The following SNX18 variants were observed in gnomAD, a reference collection of about 807,000 sequenced individuals.
SNX18 encodes sorting nexin 18.
Under a neutral mutation model 48.7 loss-of-function variants are expected in SNX18, and 35 were observed. The ratio of observed to expected loss-of-function variants is 0.72; its 90% CI spans 0.55 to 0.95. SNX18 has a LOEUF of 0.95. Ranked by LOEUF, SNX18 falls within the 40% of genes least tolerant of loss-of-function variation. The pLI is 0.00. For missense variants in SNX18, 824 were observed against 871.0 expected (o/e 0.95, Z 0.68); for synonymous variants, 492 against 384.7 (o/e 1.28, Z -3.26).
At chr5:54,578,779 T>A in the SNX18 span, among the ~76,000 whole-genome samples, 5 of 152,158 alleles carry the variant, frequency 3.3e-5, no homozygotes, top group African/African-American at 1.2e-4. Context: ...AAATTTCCCT[T>A]CACTTCTGTG....
chr5:54,624,379 G>A, the SNX18 span, among the ~76,000 whole-genome samples: 1 of 152,076 alleles, frequency 6.6e-6, no homozygotes, highest in African/African-American at 2.4e-5. Flanking sequence ...TTAGTACTTG[G>A]CTTTCACTCT....
At chr5:54,598,897 A>C in the SNX18 span, among the ~76,000 whole-genome samples, 1 of 152,218 alleles carries the variant, frequency 6.6e-6, no homozygotes, top group African/African-American at 2.4e-5. Flanking sequence ...ATCAGGCAAA[A>C]GAAAGAAATA....
the SNX18 span, among the ~76,000 whole-genome samples, chr5:54,591,392 T>C: frequency 7.0e-4 from 106 of 152,326 alleles, no homozygotes; most frequent in African/African-American, 2.5e-3. Flanking sequence ...GGTCTTGCTA[T>C]ATTGCCCAGG....
At chr5:54,531,997 AG>A (rs1230985735) in intron 1 of SNX18, among the ~76,000 whole-genome samples, 4 of 152,186 alleles carry the variant, frequency 2.6e-5, no homozygotes, top group African/African-American at 7.2e-5. Flanking sequence ...GCACTCAGAT[AG>A]GGTCCCATAA....
At chr5:54,523,122 G>A (rs1762063381) in intron 1 of SNX18, among the ~76,000 whole-genome samples, 1 of 152,086 alleles carries the variant, frequency 6.6e-6, no homozygotes, top group African/African-American at 2.4e-5. Context: ...ACTAGGCAGT[G>A]TGCAGATGTT....
At chr5:54,562,585 A>T in the SNX18 span, among the ~76,000 whole-genome samples, 7 of 152,206 alleles carry the variant, frequency 4.6e-5, no homozygotes, top group Non-Finnish European at 1.5e-5. Context: ...TCCTGTGTTT[A>T]CGGTGATGCT....
chr5:54,572,456 C>G, the SNX18 span, among the ~76,000 whole-genome samples: 1 of 152,008 alleles, frequency 6.6e-6, no homozygotes, highest in South Asian at 2.1e-4. Flanking sequence ...TTAAGTTACT[C>G]TTGACTCATA....
At chr5:54,573,491 A>G in the SNX18 span, among the ~76,000 whole-genome samples, 1 of 152,150 alleles carries the variant, frequency 6.6e-6, no homozygotes, top group Non-Finnish European at 1.5e-5. Context: ...TTCTGGGAAG[A>G]GGCAGTTTGC....
chr5:54,518,243 C>T lies in SNX18; in HGVS notation c.291C>T (p.Phe97=), dbSNP rs1226316367. ...EPLPVAPPAS[F]KPPPDAFQAL... is the part of the protein sequence containing the mutation. ...TGCCTGTCGCGCCCCCCGCCTCCTT[C>T]AAGCCGCCGCCTGACGCCTTCCAGG... The change falls in exon 1 of 2, where the codon TTC becomes TTT. Residue 97 remains phenylalanine (F), a synonymous_variant. Coordinates refer to ENST00000381410, the MANE Select transcript of SNX18 (RefSeq NM_001102575.2). The T allele has an allele frequency of 6.2e-6, 9 of 1,451,722 alleles. No individual in the cohort carries two copies. Among genetic ancestry groups the T allele is most frequent in the Non-Finnish European group, 8.1e-6 (9 of 1,109,298 alleles). 89.9% of individuals were successfully genotyped at this position (1,451,722 alleles called of 1,614,324 possible).
chr5:54,558,145 G>A, the SNX18 span, among the ~76,000 whole-genome samples: 18,944 of 152,144 alleles, frequency 0.12, 1,312 homozygotes, highest in African/African-American at 0.17. Context: ...TGGGATTTGA[G>A]CCCAACTTGT....
the SNX18 span, among the ~76,000 whole-genome samples, chr5:54,565,621 G>C: frequency 6.6e-6 from 1 of 152,036 alleles, no homozygotes; most frequent in Non-Finnish European, 1.5e-5. Context: ...AGGTATTCAT[G>C]ATATTGTTCT....
At chr5:54,548,052 G>A (rs565759459), downstream of SNX18, among the ~76,000 whole-genome samples, 1 of 152,320 alleles carries the variant, frequency 6.6e-6, no homozygotes, top group Non-Finnish European at 1.5e-5. Context: ...TCTGAGGTGG[G>A]GGAAGTTAAT....
the SNX18 span, among the ~76,000 whole-genome samples, chr5:54,583,973 C>G: frequency 6.6e-6 from 1 of 151,976 alleles, no homozygotes; most frequent in Admixed American, 6.6e-5. Flanking sequence ...CAGCAGAGCC[C>G]TTGACACTGA....
chr5:54,546,975 C>T (rs190198706), downstream of SNX18, among the ~76,000 whole-genome samples: 674 of 152,342 alleles, frequency 4.4e-3, 7 homozygotes, highest in South Asian at 0.029. Flanking sequence ...ATAATAGCTA[C>T]GGGACCTGGC....
intron 1 of SNX18, among the ~76,000 whole-genome samples, chr5:54,536,139 G>A (rs1364401106): frequency 6.6e-6 from 1 of 152,152 alleles, no homozygotes; most frequent in Admixed American, 6.5e-5. Flanking sequence ...GCGGCACTCT[G>A]GGCTCCTTTT....
chr5:54,560,863 C>T, the SNX18 span, among the ~76,000 whole-genome samples: 1 of 152,140 alleles, frequency 6.6e-6, no homozygotes, highest in Non-Finnish European at 1.5e-5. Context: ...TTCAGGCTTC[C>T]AGCCCTACAA....
the SNX18 span, among the ~76,000 whole-genome samples, chr5:54,601,351 T>C: frequency 2.6e-5 from 4 of 152,228 alleles, no homozygotes; most frequent in African/African-American, 9.6e-5. Flanking sequence ...ATGGGACTCA[T>C]ATGAATTGGC....
At chr5:54,614,754 G>A in the SNX18 span, among the ~76,000 whole-genome samples, 9 of 152,180 alleles carry the variant, frequency 5.9e-5, no homozygotes, top group Non-Finnish European at 5.9e-5. Flanking sequence ...GGAGGTGGAA[G>A]TTGCAGTGAG....
At chr5:54,589,935 A>C in the SNX18 span, among the ~76,000 whole-genome samples, 1 of 152,202 alleles carries the variant, frequency 6.6e-6, no homozygotes, top group South Asian at 2.1e-4. Flanking sequence ...GACTACAGGC[A>C]CACACAACCA....
Sources: gnomAD v4.1 joint callset for allele counts (sites outside exome capture counted in the v4.1 genomes callset) on GRCh38, gnomAD v4.1.1 for gene constraint, MANE v1.5 for transcripts, NCBI Gene and HGNC (gene_info 2026-07-23, HGNC 2026-07-21) for gene names.